ZNF536: variants seen among roughly 807,000 people sequenced by gnomAD.
ZNF536 encodes zinc finger protein 536.
In ZNF536, 13 loss-of-function variants were observed where a neutral mutation model predicts 84.5. The observed-to-expected ratio is 0.15, with a 90% CI of 0.10 to 0.24. ZNF536 has a LOEUF of 0.24. ZNF536 is among the 10% of genes least tolerant of loss of function. ZNF536 has a pLI of 1.00. For synonymous variants in ZNF536, 811 were observed against 742.5 expected, an observed-to-expected ratio of 1.09 and a Z score of -1.50; for missense variants, 1,536 against 1,747.5, an observed-to-expected ratio of 0.88 and a Z score of 2.16.
At chr19:30,466,437 G>A (rs1354233253) in intron 2 of ZNF536, among the ~76,000 whole-genome samples, 3 of 151,114 alleles carry the variant, frequency 2.0e-5, no homozygotes, top group Non-Finnish European at 4.4e-5. Flanking sequence ...GATGGTGCAT[G>A]CCTGTAGTTG....
At chr19:30,629,629 C>T (rs547778609) in intron 1 of ZNF536, among the ~76,000 whole-genome samples, 62 of 152,338 alleles carry the variant, frequency 4.1e-4, no homozygotes, top group Non-Finnish European at 8.8e-5. Context: ...ATGCAGAACC[C>T]GCCTTGTGCT....
intron 1 of ZNF536, among the ~76,000 whole-genome samples, chr19:30,592,934 T>G (rs2047325231): frequency 6.6e-6 from 1 of 152,238 alleles, no homozygotes; most frequent in African/African-American, 2.4e-5. Context: ...GTGTTTATTA[T>G]TTTCTGAGGT....
At position 30,530,263 on chromosome 19, in the gene ZNF536, A is replaced by G. The variant is rs528596472; in HGVS notation, c.2171-4584A>G. On this transcript the variant is annotated intron_variant, in intron 2 of 4. Transcript: ENST00000355537. ...AAATTAAAAAATTAAATAAATCTCAAACCAATGCACGAAAGGTTTAACAAA... is the reference window on the plus strand; with the variant it reads ...AAATTAAAAAATTAAATAAATCTCAGACCAATGCACGAAAGGTTTAACAAA... Among the ~76,000 whole-genome samples the G allele has an allele frequency of 2.6e-5, 4 of 152,330 alleles. No individual in the cohort carries two copies. In the East Asian group the frequency reaches 7.7e-4, roughly 29 times the overall value.
At chr19:30,263,234 C>G (rs1430521497) in intron 1 of ZNF536, among the ~76,000 whole-genome samples, 1 of 152,176 alleles carries the variant, frequency 6.6e-6, no homozygotes, top group African/African-American at 2.4e-5. Context: ...GGGACTAGAG[C>G]TTCGGTTGCT....
chr19:30,408,887 C>T (rs2147653555), intron 1 of ZNF536, among the ~76,000 whole-genome samples: 1 of 152,030 alleles, frequency 6.6e-6, no homozygotes, highest in South Asian at 2.1e-4. Flanking sequence ...CATCCTTCAT[C>T]TATCATCATC....
intron 1 of ZNF536, among the ~76,000 whole-genome samples, chr19:30,424,646 G>A (rs1309307943): frequency 6.6e-6 from 1 of 152,168 alleles, no homozygotes; most frequent in East Asian, 1.9e-4. Context: ...GGGTGTGCAA[G>A]GCTCTCTGCT....
chr19:30,356,108 G>A (rs76385398), intron 3 of ZNF536, among the ~76,000 whole-genome samples: 4,888 of 152,280 alleles, frequency 0.032, 254 homozygotes, highest in African/African-American at 0.11. Context: ...ATCAGACAAT[G>A]ATTTCATGTC....
chr19:30,604,964 C>T (rs1201172167), intron 1 of ZNF536, among the ~76,000 whole-genome samples: 6 of 152,176 alleles, frequency 3.9e-5, no homozygotes, highest in Admixed American at 3.3e-4. Context: ...CACAAGTCCA[C>T]GTAGCTTGCA....
chr19:30,368,532 C>T (rs1443326424), upstream of ZNF536, among the ~76,000 whole-genome samples: 2 of 152,248 alleles, frequency 1.3e-5, no homozygotes, highest in African/African-American at 2.4e-5. Context: ...CTGGAGAAGG[C>T]ACCCTGGTGG....
chr19:30,711,145 A>G (rs1407764680), exon 2 of ZNF536: 2 of 149,706 alleles, frequency 1.3e-5, no homozygotes, highest in Admixed American at 6.8e-5. Flanking sequence ...ATTTTAAAAG[A>G]TATCTATATA....
At chr19:30,415,445 G>T (rs1390959425) in intron 1 of ZNF536, among the ~76,000 whole-genome samples, 2 of 147,754 alleles carry the variant, frequency 1.4e-5, no homozygotes, top group Non-Finnish European at 3.0e-5. Context: ...TTTCTTTCTG[G>T]AGGTTGGAGG....
chr19:30,347,756 C>G (rs1168327081), intron 2 of ZNF536, among the ~76,000 whole-genome samples: 2 of 152,204 alleles, frequency 1.3e-5, no homozygotes, highest in Non-Finnish European at 2.9e-5. Flanking sequence ...AAGATTCAGA[C>G]AGAAGAAATA....
At chr19:30,523,654 G>A (rs1170870657) in intron 2 of ZNF536, among the ~76,000 whole-genome samples, 1 of 152,152 alleles carries the variant, frequency 6.6e-6, no homozygotes, top group Non-Finnish European at 1.5e-5. Flanking sequence ...CTCAGTTTCA[G>A]CAGAGATTTG....
exon 2 of ZNF536, chr19:30,711,163 A>T (rs1282457265): frequency 5.0e-5 from 4 of 80,262 alleles, no homozygotes; most frequent in Non-Finnish European, 1.2e-4. Flanking sequence ...ATATATATTA[A>T]AAAAAAAAAA....
chr19:30,635,816 G>T (rs962124997), intron 1 of ZNF536, among the ~76,000 whole-genome samples: 10 of 152,198 alleles, frequency 6.6e-5, no homozygotes, highest in Non-Finnish European at 1.2e-4. Flanking sequence ...CTGCCTCTTG[G>T]ATGGGGTTTC....
chr19:30,626,602 C>T (rs1227609852), intron 1 of ZNF536, among the ~76,000 whole-genome samples: 1 of 152,088 alleles, frequency 6.6e-6, no homozygotes, highest in Non-Finnish European at 1.5e-5. Flanking sequence ...AGGCCTTTTC[C>T]CCCGCTACCC....
intron 1 of ZNF536, among the ~76,000 whole-genome samples, chr19:30,394,469 A>G (rs375052303): frequency 9.9e-5 from 15 of 152,050 alleles, no homozygotes; most frequent in South Asian, 2.1e-4. Flanking sequence ...CTACCCCACA[A>G]CACACACATA....
At chr19:30,673,108 C>T (rs2050620044) in intron 1 of ZNF536, among the ~76,000 whole-genome samples, 1 of 152,284 alleles carries the variant, frequency 6.6e-6, no homozygotes, top group Admixed American at 6.5e-5. Context: ...CTCCAGTGCC[C>T]CTGTCACATG....
Position 30,589,504 on chromosome 19 carries a change from C to T in ZNF536, c.169+39990C>T, listed in dbSNP as rs967507947. ...CTTGAACTGTTGTTGCTGTTGAAAC[C>T]GATTACCTCCTTCTACTGGCAGCCC... On this transcript the variant is annotated intron_variant, in intron 1 of 1. Transcript: ENST00000592773. Among the ~76,000 whole-genome samples, 7 of 152,160 alleles carry T rather than the reference C, an allele frequency of 4.6e-5. No homozygotes were observed. In the South Asian group the frequency reaches 1.0e-3, roughly 23 times the overall value.
Sources: gnomAD v4.1 joint callset for allele counts (sites outside exome capture counted in the v4.1 genomes callset) on GRCh38, gnomAD v4.1.1 for gene constraint, MANE v1.5 for transcripts, NCBI Gene and HGNC (gene_info 2026-07-23, HGNC 2026-07-21) for gene names.